Variants in FMN1 observed in about 807,000 individuals in gnomAD.
The protein encoded by FMN1 is formin 1.
Under a neutral mutation model 132.4 loss-of-function variants are expected in FMN1, and 110 were observed. That is an observed-to-expected ratio of 0.83 (90% CI 0.71 to 0.97). The LOEUF (loss-of-function observed/expected upper bound fraction) is 0.97. Among genes scored for constraint, FMN1 ranks in the 50% least tolerant of loss-of-function variants. FMN1 has a pLI of 0.00. For missense variants in FMN1, 1,792 were observed against 1,705.3 expected (o/e 1.05, Z -0.90); for synonymous variants, 722 against 651.7 (o/e 1.11, Z -1.64).
intron 4 of FMN1, among the ~76,000 whole-genome samples, chr15:33,122,564 T>C (rs938165696): frequency 2.0e-5 from 3 of 152,236 alleles, no homozygotes; most frequent in Admixed American, 6.5e-5. Flanking sequence ...AGGCCAATAT[T>C]CTGACATCAC....
chr15:32,776,188 T>C, intron 20 of FMN1, among the ~76,000 whole-genome samples: 1 of 152,244 alleles, frequency 6.6e-6, no homozygotes, highest in East Asian at 1.9e-4. Context: ...CCAGGCCATT[T>C]CATTCTCGGC....
chr15:33,178,548 C>T (rs1465060534), intron 3 of FMN1, among the ~76,000 whole-genome samples: 1 of 152,198 alleles, frequency 6.6e-6, no homozygotes, highest in Non-Finnish European at 1.5e-5. Context: ...TCCTCATAGT[C>T]TTGAAGGCAA....
At chr15:32,910,566 A>C in intron 10 of FMN1, 31 bp from the exon 11 acceptor site, 1 of 1,530,200 alleles carries the variant, frequency 6.5e-7, no homozygotes, top group Non-Finnish European at 8.9e-7. Flanking sequence ...AAAGAGGATA[A>C]GGGATTTGAT....
chr15:33,020,269 G>A (rs572451577), intron 6 of FMN1, among the ~76,000 whole-genome samples: 24 of 152,256 alleles, frequency 1.6e-4, no homozygotes, highest in South Asian at 6.2e-4. Flanking sequence ...TATTGAATTG[G>A]GGAATACCCA....
At chr15:33,192,554 A>G (rs1434557708) in intron 2 of FMN1, among the ~76,000 whole-genome samples, 4 of 152,224 alleles carry the variant, frequency 2.6e-5, no homozygotes, top group South Asian at 2.1e-4. Context: ...TCTTTAACGT[A>G]TCTCAACTAA....
chr15:32,836,917 C>T (rs1260196797), intron 17 of FMN1: 4 of 176,142 alleles, frequency 2.3e-5, no homozygotes, highest in Non-Finnish European at 4.0e-5. Flanking sequence ...GGTAACATTC[C>T]TTTATTTTTT....
chr15:32,908,623 A>AT, intron 11 of FMN1, 45 bp from the exon 12 acceptor site: 2 of 922,350 alleles, frequency 2.2e-6, no homozygotes, highest in African/African-American at 1.8e-5. Context: ...AAAAAAAAAA[A>AT]GGGAAGTGAG....
intron 19 of FMN1, among the ~76,000 whole-genome samples, chr15:32,779,434 G>A (rs2056593253): frequency 6.6e-6 from 1 of 152,202 alleles, no homozygotes; most frequent in Admixed American, 6.5e-5. Context: ...TGAGGATGCA[G>A]GGGAATGGGA....
At chr15:32,840,969 C>G (rs545658339) in intron 17 of FMN1, among the ~76,000 whole-genome samples, 1 of 152,288 alleles carries the variant, frequency 6.6e-6, no homozygotes, top group African/African-American at 2.4e-5. Context: ...TTGTATTACA[C>G]AGAAAGAGGG....
At chr15:32,842,673 T>C (rs986014734) in intron 17 of FMN1, among the ~76,000 whole-genome samples, 1 of 152,142 alleles carries the variant, frequency 6.6e-6, no homozygotes, top group Non-Finnish European at 1.5e-5. Flanking sequence ...TCTGTACTAG[T>C]ATGAAAGAAA....
rs34593790 is a variant in FMN1, at chr15:32,776,687, C to CTT, written c.4215+146_4215+147dup. ...TGTTTTGTACCTCCACCCACACATA[C>CTT]TTTTTTTTTTTTTTTTTTAACCATA... is the stretch of plus-strand genomic sequence containing the variant. On this transcript the variant is annotated intron_variant, in intron 20 of 20. Transcript: ENST00000616417. The CTT allele has an allele frequency of 2.3e-3, 1,029 of 453,842 alleles. 12 individuals carry two copies. The highest frequency in any genetic ancestry group is 0.015 in the African/African-American group (588 of 40,532). 28.1% of individuals were successfully genotyped at this position (453,842 alleles called of 1,614,324 possible).
At chr15:33,057,883 G>A (rs1203473262) in intron 6 of FMN1, among the ~76,000 whole-genome samples, 2 of 150,970 alleles carry the variant, frequency 1.3e-5, no homozygotes, top group African/African-American at 4.8e-5. Flanking sequence ...TCTATGGAGA[G>A]GGGATCTGAA....
At chr15:33,076,682 A>T (rs575662959) in intron 5 of FMN1, among the ~76,000 whole-genome samples, 2 of 152,240 alleles carry the variant, frequency 1.3e-5, no homozygotes, top group East Asian at 3.8e-4. Flanking sequence ...TTACTGTCCA[A>T]TGAAACTTTC....
chr15:32,855,905 T>C (rs1567277398), intron 17 of FMN1, among the ~76,000 whole-genome samples: 1 of 152,082 alleles, frequency 6.6e-6, no homozygotes, highest in Non-Finnish European at 1.5e-5. Context: ...AGTATTGGTA[T>C]CTTTGCTCTC....
intron 19 of FMN1, among the ~76,000 whole-genome samples, chr15:32,794,817 T>C (rs2057224728): frequency 6.6e-6 from 1 of 152,206 alleles, no homozygotes; most frequent in Admixed American, 6.5e-5. Context: ...TGGATTATGA[T>C]ACATCGTAAA....
intron 7 of FMN1, among the ~76,000 whole-genome samples, chr15:32,995,678 ATG>A (rs2033723244): frequency 6.6e-6 from 1 of 152,328 alleles, no homozygotes; most frequent in East Asian, 1.9e-4. Context: ...TTTACCAATC[ATG>A]AGAGAGATAA....
intron 17 of FMN1, among the ~76,000 whole-genome samples, chr15:32,840,337 T>A (rs1416276796): frequency 6.6e-6 from 1 of 152,122 alleles, no homozygotes; most frequent in Non-Finnish European, 1.5e-5. Context: ...ATGATCATAT[T>A]CCCAGGAGGA....
At chr15:33,181,797 C>T (rs1965714199) in intron 2 of FMN1, among the ~76,000 whole-genome samples, 2 of 150,946 alleles carry the variant, frequency 1.3e-5, no homozygotes, top group African/African-American at 2.4e-5. Flanking sequence ...CAACCTCTGC[C>T]TCTCAGGTTA....
intron 4 of FMN1, among the ~76,000 whole-genome samples, chr15:33,112,485 T>C (rs560415734): frequency 1.3e-5 from 2 of 152,274 alleles, no homozygotes; most frequent in South Asian, 2.1e-4. Context: ...AACTATGCAA[T>C]GAAATTAAAA....
Sources: allele counts gnomAD v4.1 joint callset (sites outside exome capture counted in the v4.1 genomes callset), GRCh38; gene constraint gnomAD v4.1.1; transcripts MANE v1.5; gene names NCBI Gene and HGNC (gene_info 2026-07-23, HGNC 2026-07-21).